The following PCDHA4 variants were observed in gnomAD, a reference collection of about 807,000 sequenced individuals.
PCDHA4 encodes protocadherin alpha 4, also known as protocadherin alpha-4.
PCDHA4 carries 49 observed loss-of-function variants against 61.4 expected under a neutral mutation model. That is an observed-to-expected ratio of 0.80 (90% CI 0.63 to 1.01). The LOEUF is 1.01. Among genes scored for constraint, PCDHA4 ranks in the 50% least tolerant of loss-of-function variants. The pLI is 0.00. For missense variants in PCDHA4, 1,254 were observed against 1,235.8 expected (o/e 1.01, Z -0.22); for synonymous variants, 590 against 550.3 (o/e 1.07, Z -1.01).
intron 1 of PCDHA4, chr5:140,881,501 C>A (rs782000314): frequency 3.3e-4 from 82 of 248,870 alleles, no homozygotes; most frequent in Non-Finnish European, 4.9e-4. Context: ...CACATACACA[C>A]ACTCACATAC....
At chr5:140,869,004 T>C in intron 1 of PCDHA4, 1 of 1,521,534 alleles carries the variant, frequency 6.6e-7, no homozygotes, top group Non-Finnish European at 8.8e-7. Context: ...AAGGATCCTT[T>C]GAAACTTCTT....
intron 1 of PCDHA4, among the ~76,000 whole-genome samples, chr5:140,922,458 C>A (rs782064554): frequency 6.6e-6 from 1 of 152,160 alleles, no homozygotes; most frequent in Non-Finnish European, 1.5e-5. Context: ...TATTTGTCAA[C>A]ACAAAATAGG....
chr5:140,929,715 T>A, intron 1 of PCDHA4: 1 of 230,486 alleles, frequency 4.3e-6, no homozygotes, highest in East Asian at 9.8e-5. Flanking sequence ...ATATGGAAGG[T>A]GAAACATTTA....
chr5:140,808,369 C>T lies in PCDHA4; in HGVS notation c.1182C>T (p.Pro394=). The change falls in exon 1 of 4, where the codon CCC becomes CCT. Residue 394 remains proline (P), a synonymous_variant. Coordinates refer to ENST00000530339, the MANE Select transcript of PCDHA4 (RefSeq NM_018907.4). ...CCTGCTCCTTGACGTCCCACGTCCCCTTCAAGCTGGTGTCCACCTTCAAGA... is the reference window on the plus strand; with the variant it reads ...CCTGCTCCTTGACGTCCCACGTCCCTTTCAAGCTGGTGTCCACCTTCAAGA... ...LVTCSLTSHV[P]FKLVSTFKNY... 1.2e-6 allele frequency: 2 copies of T among 1,614,208 alleles called. No individual in the cohort carries two copies. The highest frequency in any genetic ancestry group is 1.1e-5 in the South Asian group (1 of 91,080).
At chr5:140,913,451 T>G (rs1201347326) in intron 1 of PCDHA4, among the ~76,000 whole-genome samples, 1 of 152,160 alleles carries the variant, frequency 6.6e-6, no homozygotes, top group East Asian at 1.9e-4. Context: ...CAGCTCCGAT[T>G]TTATTTACTT....
intron 1 of PCDHA4, among the ~76,000 whole-genome samples, chr5:140,976,713 T>TA (rs1554237898): frequency 6.6e-6 from 1 of 152,216 alleles, no homozygotes; most frequent in Admixed American, 6.5e-5. Flanking sequence ...CTTTGCATTA[T>TA]AGTTCATTTA....
intron 1 of PCDHA4, among the ~76,000 whole-genome samples, chr5:140,944,319 C>T (rs1386940921): frequency 6.6e-6 from 1 of 152,104 alleles, no homozygotes. Context: ...TCCTGAGTAG[C>T]TGGGATTACA....
chr5:140,957,826 G>A (rs1282608668), intron 1 of PCDHA4, among the ~76,000 whole-genome samples: 3 of 151,106 alleles, frequency 2.0e-5, no homozygotes, highest in East Asian at 3.9e-4. Flanking sequence ...TTAAGAGAAA[G>A]TGTTAATTGA....
intron 1 of PCDHA4, chr5:140,883,058 C>T (rs782098362): frequency 6.2e-7 from 1 of 1,614,074 alleles, no homozygotes; most frequent in Admixed American, 1.7e-5. Flanking sequence ...AGTGATCAAG[C>T]TAAATGCCAC....
chr5:140,834,112 T>C, intron 1 of PCDHA4: 1 of 411,244 alleles, frequency 2.4e-6, no homozygotes. Flanking sequence ...AATTCAGAGT[T>C]TGAAATAAAA....
At chr5:140,988,672 G>A (rs1269904309) in intron 3 of PCDHA4, among the ~76,000 whole-genome samples, 1 of 152,180 alleles carries the variant, frequency 6.6e-6, no homozygotes, top group Non-Finnish European at 1.5e-5. Context: ...TAGACTCTAA[G>A]ATAATTCTTT....
At chr5:140,850,709 G>T in intron 1 of PCDHA4, 1 of 1,598,236 alleles carries the variant, frequency 6.3e-7, no homozygotes, top group East Asian at 2.2e-5. Context: ...GCAAGCCGAC[G>T]CTGGTGTGTT....
chr5:140,940,076 T>C (rs1469877434), intron 1 of PCDHA4, among the ~76,000 whole-genome samples: 2 of 152,230 alleles, frequency 1.3e-5, no homozygotes, highest in Non-Finnish European at 2.9e-5. Flanking sequence ...ATGTGATATC[T>C]TTCTGCTAAA....
intron 1 of PCDHA4, among the ~76,000 whole-genome samples, chr5:140,820,856 C>A (rs1379200448): frequency 6.6e-6 from 1 of 151,942 alleles, no homozygotes; most frequent in Non-Finnish European, 1.5e-5. Context: ...GAAATGCTAT[C>A]TAGATGCTTC....
intron 1 of PCDHA4, among the ~76,000 whole-genome samples, chr5:140,952,166 G>A (rs2094699360): frequency 6.6e-6 from 1 of 152,072 alleles, no homozygotes; most frequent in African/African-American, 2.4e-5. Flanking sequence ...GTGGGGTTCA[G>A]TTCCTGCAGC....
intron 1 of PCDHA4, among the ~76,000 whole-genome samples, chr5:140,889,132 G>C (rs1338926841): frequency 6.6e-6 from 1 of 151,438 alleles, no homozygotes; most frequent in Non-Finnish European, 1.5e-5. Context: ...ATATGTCCTA[G>C]TTTTTCTTCC....
chr5:140,988,673 A>G (rs2153876025), intron 3 of PCDHA4, among the ~76,000 whole-genome samples: 1 of 152,344 alleles, frequency 6.6e-6, no homozygotes, highest in South Asian at 2.1e-4. Context: ...AGACTCTAAG[A>G]TAATTCTTTC....
chr5:140,979,882 A>C (rs1554241172), intron 2 of PCDHA4, among the ~76,000 whole-genome samples: 1 of 152,274 alleles, frequency 6.6e-6, no homozygotes, highest in Non-Finnish European at 1.5e-5. Context: ...TATCAAGTGA[A>C]TATTCACCAA....
At chr5:140,882,048 C>T in intron 1 of PCDHA4, 1 of 745,800 alleles carries the variant, frequency 1.3e-6, no homozygotes, top group Non-Finnish European at 2.1e-6. Context: ...CTGAGTCATA[C>T]TTACACTTAC....
Sources: gnomAD v4.1 joint callset for allele counts (sites outside exome capture counted in the v4.1 genomes callset) on GRCh38, gnomAD v4.1.1 for gene constraint, MANE v1.5 for transcripts, NCBI Gene and HGNC (gene_info 2026-07-23, HGNC 2026-07-21) for gene names.